ATXN2: variants seen among roughly 807,000 people sequenced by gnomAD.
ATXN2 encodes the protein ataxin-2.
In ATXN2, 37 loss-of-function variants were observed where a neutral mutation model predicts 138.6. The ratio of observed to expected loss-of-function variants is 0.27; its 90% CI spans 0.21 to 0.35. The LOEUF is 0.35. Among genes scored for constraint, ATXN2 ranks in the 10% least tolerant of loss-of-function variants. ATXN2 has a pLI of 1.00. For missense variants in ATXN2, 1,216 were observed against 1,480.3 expected (o/e 0.82, Z 2.93); for synonymous variants, 549 against 543.7 (o/e 1.01, Z -0.13).
intron 5 of ATXN2, among the ~76,000 whole-genome samples, chr12:111,534,102 T>C (rs1048227587): frequency 1.3e-5 from 2 of 151,602 alleles, no homozygotes; most frequent in African/African-American, 2.4e-5. Flanking sequence ...AAAAATATAA[T>C]AAATATAAAT....
At chr12:111,513,663 T>C (rs1264183917) in intron 10 of ATXN2, 124 bp from the exon 11 acceptor site, 11 of 824,834 alleles carry the variant, frequency 1.3e-5, no homozygotes, top group Non-Finnish European at 1.7e-5. Flanking sequence ...TTTTCCTTGG[T>C]TAAAAATAGA....
chr12:111,467,642 G>A (rs916891076), intron 20 of ATXN2, among the ~76,000 whole-genome samples: 6 of 152,012 alleles, frequency 3.9e-5, no homozygotes, highest in African/African-American at 9.7e-5. Flanking sequence ...TGAAAGAACC[G>A]GCTCTAATGA....
In ATXN2 at chr12:111,486,831, A is replaced by C; in HGVS notation, c.2241-7T>G. ...TGTTGATTTCCTAACTTGCCTAAAA[A>C]AAATATAAAGGCCAGTGAAATCTAC... On this transcript the variant is annotated splice_region_variant and splice_polypyrimidine_tract_variant and intron_variant, in intron 15 of 24. Transcript: ENST00000673436. 1.2e-6 allele frequency: 2 copies of C among 1,610,754 alleles called. No individual in the cohort carries two copies. The highest frequency in any genetic ancestry group is 1.7e-6 in the Non-Finnish European group (2 of 1,177,354).
chr12:111,514,447 C>T lies in ATXN2; in HGVS notation c.1376-908G>A, dbSNP rs2135734904. Among the ~76,000 whole-genome samples the T allele has an allele frequency of 2.0e-5, 3 of 152,290 alleles. No homozygotes were observed. In the South Asian group the frequency reaches 6.2e-4, roughly 32 times the overall value. On this transcript the variant is annotated intron_variant, in intron 10 of 24. Coordinates refer to ENST00000673436, the MANE Select transcript of ATXN2 (RefSeq NM_001372574.1). ...GCGAAAACTTCCCTAATGTCAAAGC[C>T]AAATCTCCTCACTCTCTCACCCGGC...
chr12:111,566,137 T>C (rs983808985), intron 1 of ATXN2, among the ~76,000 whole-genome samples: 10 of 152,138 alleles, frequency 6.6e-5, no homozygotes, highest in African/African-American at 2.2e-4. Context: ...TAAGCCATTT[T>C]ATTTAAGAAA....
intron 1 of ATXN2, chr12:111,597,618 C>A: frequency 2.4e-6 from 1 of 414,758 alleles, no homozygotes; most frequent in Middle Eastern, 3.5e-4. Flanking sequence ...GACAACCGCC[C>A]GCCACCCCCA....
At chr12:111,589,334 T>A in intron 1 of ATXN2, among the ~76,000 whole-genome samples, 1 of 144,810 alleles carries the variant, frequency 6.9e-6, no homozygotes, top group East Asian at 2.1e-4. Context: ...CAAACAATAA[T>A]AATAATTTAA....
rs1164424839 is a variant in ATXN2 at position 111,482,190 on chromosome 12, A to AT, written c.2524+3074dup. On this transcript the variant is annotated intron_variant, in intron 18 of 24. Coordinates refer to ENST00000673436, the MANE Select transcript of ATXN2 (RefSeq NM_001372574.1). The stretch of plus-strand genomic sequence containing the variant: ...AACATGGCAAAGCCCTTTCTCTACT[A>AT]TTTTTTTTTTTTTTTTTTTTTTGAG... 8.0e-3 allele frequency among the ~76,000 whole-genome samples: 809 copies of AT among 101,364 alleles called. 10 individuals are homozygous for AT. Among genetic ancestry groups the AT allele is most frequent in the African/African-American group, 0.011 (267 of 25,338 alleles). The allele number at this position is 101,364 out of a possible 152,430, so 66.5% of individuals were successfully genotyped here. A position where few individuals can be genotyped will look rare whatever the true frequency, so the allele number is the denominator to read the frequency against.
intron 23 of ATXN2, chr12:111,455,057 TGA>T (rs1267099524): frequency 2.8e-6 from 2 of 703,032 alleles, no homozygotes; most frequent in East Asian, 5.4e-5. Context: ...GGTAGCCTTC[TGA>T]GAGATAGATC....
chr12:111,598,954 C>CTGCTGCTGCTGCTGCTGCTGT lies in ATXN2; in HGVS notation c.80_81insACAGCAGCAGCAGCAGCAGCA (p.Gln22_Gln28dup), dbSNP rs1555246678. The CTGCTGCTGCTGCTGCTGCTGT allele has an allele frequency of 1.1e-3, 801 of 701,590 alleles. No individual in the cohort carries two copies. The highest frequency in any genetic ancestry group is 3.0e-3 in the South Asian group (123 of 40,420). The allele number at this position is 701,590 out of a possible 1,614,324, so 43.5% of individuals were successfully genotyped here. A position where few individuals can be genotyped will look rare whatever the true frequency, so the allele number is the denominator to read the frequency against. ...CATTGGCAGCCGCGGGCGGCGGCTG[C>CTGCTGCTGCTGCTGCTGCTGT]TGCTGCTGCTGCTGCTGCTGCTGTT... is the stretch of plus-strand genomic sequence containing the variant. On this transcript the variant is annotated inframe_insertion, in exon 1 of 25. Transcript: ENST00000673436. This position sits in a 1 kb window ranked among gnomAD's most constrained non-coding sequence, Gnocchi z 4.5.
chr12:111,485,096 TC>T, intron 18 of ATXN2, 168 bp downstream of exon 18: 1 of 582,272 alleles, frequency 1.7e-6, no homozygotes, highest in African/African-American at 1.8e-5. Flanking sequence ...CCCCTGTTTT[TC>T]TTCATAAAAT....
intron 10 of ATXN2, among the ~76,000 whole-genome samples, chr12:111,515,818 C>G (rs1879822914): frequency 6.6e-6 from 1 of 152,152 alleles, no homozygotes; most frequent in African/African-American, 2.4e-5. Context: ...TCAAGACTGG[C>G]TGAAGAAAGT....
chr12:111,552,995 A>C lies in ATXN2; in HGVS notation c.349-18T>G, dbSNP rs368276717. On this transcript the variant is annotated intron_variant, in intron 3 of 24. Transcript: ENST00000673436. The surrounding 1 kb of genome is among the most constrained non-coding windows in gnomAD (Gnocchi z 4.1). Reference sequence around the variant, plus strand: ...TTGGAGCCCTAAAAACATATAATTTATTTATCAAAGAAACAGTATACTACC... The same window carrying C: ...TTGGAGCCCTAAAAACATATAATTTCTTTATCAAAGAAACAGTATACTACC... The C allele has an allele frequency of 1.3e-6, 2 of 1,499,518 alleles. No homozygotes were observed. Among genetic ancestry groups the C allele is most frequent in the African/African-American group, 2.9e-5 (2 of 69,420 alleles). The allele number at this position is 1,499,518 out of a possible 1,614,324, so 92.9% of individuals were successfully genotyped here.
intron 1 of ATXN2, 139 bp from the exon 2 acceptor site, chr12:111,556,058 G>C (rs749411157): frequency 5.1e-4 from 341 of 673,048 alleles, no homozygotes; most frequent in Middle Eastern, 1.3e-3. Flanking sequence ...TAAGTCTAAA[G>C]GCTACCTAAG....
At chr12:111,482,262 T>C (rs1877296034) in intron 18 of ATXN2, among the ~76,000 whole-genome samples, 1 of 146,266 alleles carries the variant, frequency 6.8e-6, no homozygotes, top group African/African-American at 2.5e-5. Flanking sequence ...TGGCACCATC[T>C]CAGCTCACTG....
At chr12:111,470,509 GTTTTTT>G in intron 19 of ATXN2, 43 bp downstream of exon 19, 2 of 1,581,852 alleles carry the variant, frequency 1.3e-6, no homozygotes, top group Non-Finnish European at 1.7e-6. Context: ...CATATTAAAA[GTTTTTT>G]TATATGGTAC....
intron 5 of ATXN2, among the ~76,000 whole-genome samples, chr12:111,538,881 G>T (rs569445471): frequency 6.7e-6 from 1 of 150,134 alleles, no homozygotes; most frequent in Non-Finnish European, 1.5e-5. Flanking sequence ...AAATTCTACA[G>T]CAAAGCCTGA....
In ATXN2 at chr12:111,568,188, G is replaced by A. The variant is rs374805277; in HGVS notation, c.252-12269C>T. 3.4e-4 allele frequency among the ~76,000 whole-genome samples: 51 copies of A among 152,022 alleles called. No individual in the cohort carries two copies. The East Asian group carries it at 7.7e-3, about 23-fold the overall frequency. ...AGGCAGGAGAATCGCTTGAACCCAG[G>A]AAGCAGAGGTTGCAGTAAGCCAATA... On this transcript the variant is annotated intron_variant, in intron 1 of 24. Transcript: ENST00000673436.
At chr12:111,588,708 C>T (rs1470991179) in intron 1 of ATXN2, among the ~76,000 whole-genome samples, 1 of 151,712 alleles carries the variant, frequency 6.6e-6, no homozygotes, top group African/African-American at 2.4e-5. Context: ...AATACCAAAC[C>T]AGGCCGGACG....
Sources: gnomAD v4.1 joint callset for allele counts (sites outside exome capture counted in the v4.1 genomes callset) on GRCh38, gnomAD v4.1.1 for gene constraint, Gnocchi (gnomAD v3.1) non-coding constraint, MANE v1.5 for transcripts, NCBI Gene and HGNC (gene_info 2026-07-23, HGNC 2026-07-21) for gene names.